The following TMEM150B variants were observed in gnomAD, a reference collection of about 807,000 sequenced individuals.
TMEM150B encodes the protein modulator of macroautophagy TMEM150B.
Under a neutral mutation model 25.2 loss-of-function variants are expected in TMEM150B, and 33 were observed. That is an observed-to-expected ratio of 1.31 (90% confidence interval 0.99 to 1.75). The LOEUF (loss-of-function observed/expected upper bound fraction) is 1.75. TMEM150B is among the 40% of genes most tolerant of loss of function. The pLI is 0.00. For missense variants in TMEM150B, 322 were observed against 306.1 expected, an observed-to-expected ratio of 1.05 and a Z score of -0.39; for synonymous variants, 133 against 134.8, an observed-to-expected ratio of 0.99 and a Z score of 0.09.
Position 55,313,167 on chromosome 19 carries a change from C to G in TMEM150B, c.506-112G>C, listed in dbSNP as rs541371771. ...CGTCTCTGGGTGTCCCCATCCTCAG[C>G]TCTCCCCTTCCCCCGTAGCTCCTCA... On this transcript the variant is annotated intron_variant, in intron 7 of 7. Coordinates refer to ENST00000326652, the MANE Select transcript of TMEM150B (RefSeq NM_001282011.2). The G allele has an allele frequency of 1.6e-4, 180 of 1,115,470 alleles. No homozygotes were observed. In the African/African-American group the frequency reaches 2.7e-3, roughly 17 times the overall value. 69.1% of individuals were successfully genotyped at this position (1,115,470 alleles called of 1,614,324 possible).
chr19:55,310,746 G>C (rs2088769181), downstream of TMEM150B, among the ~76,000 whole-genome samples: 1 of 152,110 alleles, frequency 6.6e-6, no homozygotes, highest in Admixed American at 6.5e-5. The surrounding 1 kb of genome is among the most constrained non-coding windows in gnomAD (Gnocchi z 5.0). Context: ...CTTTTCTCAT[G>C]GTTGCTAGGG....
chr19:55,310,031 G>C (rs1374259122), downstream of TMEM150B, among the ~76,000 whole-genome samples: 2 of 152,218 alleles, frequency 1.3e-5, no homozygotes, highest in South Asian at 4.1e-4. This position sits in a 1 kb window ranked among gnomAD's most constrained non-coding sequence, Gnocchi z 5.0. Context: ...CTTTGGCCTT[G>C]TCACCAGAAA....
intron 6 of TMEM150B, among the ~76,000 whole-genome samples, chr19:55,317,725 G>C (rs1019514973): frequency 6.6e-6 from 1 of 151,880 alleles, no homozygotes; most frequent in Non-Finnish European, 1.5e-5. Flanking sequence ...AGGTTGCAGT[G>C]AGCCAAGATC....
intron 1 of TMEM150B, among the ~76,000 whole-genome samples, chr19:55,323,966 C>G (rs2089272201): frequency 1.3e-5 from 2 of 151,346 alleles, no homozygotes; most frequent in African/African-American, 2.4e-5. Flanking sequence ...GCCACTATGC[C>G]TGGCTAATTT....
intron 6 of TMEM150B, chr19:55,319,787 T>C (rs1600226871): frequency 1.5e-6 from 2 of 1,320,406 alleles, no homozygotes; most frequent in East Asian, 6.5e-5. Flanking sequence ...GGAGAGGGGC[T>C]GGCAGAAAAT....
chr19:55,319,782 G>C, intron 6 of TMEM150B: 1 of 1,312,740 alleles, frequency 7.6e-7, no homozygotes, highest in Non-Finnish European at 9.7e-7. Context: ...GCTGGGGAGA[G>C]GGGCTGGCAG....
At position 55,322,025 on chromosome 19, in the gene TMEM150B, A is replaced by C. The variant is rs142575636; in HGVS notation, c.-58+623T>G. Among the ~76,000 whole-genome samples the C allele has an allele frequency of 2.6e-3, 402 of 152,278 alleles. 1 individual carries two copies. The highest frequency in any genetic ancestry group is 9.2e-3 in the African/African-American group (382 of 41,562). On this transcript the variant is annotated intron_variant, in intron 2 of 7. Transcript: ENST00000326652. ...TCCATCCGAAAATTCCCCCAGCCAG[A>C]CAAAGACTGCTCCTGCCGCCTGACC...
intron 7 of TMEM150B, among the ~76,000 whole-genome samples, chr19:55,315,693 G>A (rs906671502): frequency 1.1e-4 from 17 of 152,008 alleles, no homozygotes; most frequent in African/African-American, 3.6e-4. Context: ...CCTGGGAGGC[G>A]GAGCTTACAG....
At chr19:55,318,150 C>T (rs2089068037) in intron 6 of TMEM150B, among the ~76,000 whole-genome samples, 1 of 151,992 alleles carries the variant, frequency 6.6e-6, no homozygotes, top group African/African-American at 2.4e-5. Flanking sequence ...CACTTGAGGT[C>T]AGGAGTTTGA....
intron 7 of TMEM150B, among the ~76,000 whole-genome samples, chr19:55,313,279 C>G (rs1481637483): frequency 1.1e-4 from 17 of 152,266 alleles, no homozygotes. Context: ...GCGTGCACCC[C>G]CGTTACTATT....
Position 55,316,843 on chromosome 19 carries a change from A to G in TMEM150B, c.448T>C (p.Trp150Arg). 4 of 1,589,064 alleles carry G rather than the reference A, an allele frequency of 2.5e-6. No individual in the cohort carries two copies. Among genetic ancestry groups the G allele is most frequent in the Non-Finnish European group, 3.4e-6 (4 of 1,171,510 alleles). Residue 150 changes from tryptophan (W) to arginine (R), a missense_variant, in exon 7 of 8, where the codon TGG (tryptophan) becomes CGG (arginine). Transcript: ENST00000326652. ...LKRLPQPGAAWIGPLRLGLCS... is the reference protein window; with the variant it reads ...LKRLPQPGAARIGPLRLGLCS... ...AGGCCCAGGCGGAGGGGCCCAATCC[A>G]GGCAGCCCCGGGCTGGGGCAGCCTC...
At chr19:55,321,898 C>A (rs1245932666) in intron 2 of TMEM150B, among the ~76,000 whole-genome samples, 1 of 152,162 alleles carries the variant, frequency 6.6e-6, no homozygotes, top group Non-Finnish European at 1.5e-5. Flanking sequence ...AACCCTGCCT[C>A]CTCCCCTCCA....
At chr19:55,312,245 G>A, downstream of TMEM150B, 4 of 362,870 alleles carry the variant, frequency 1.1e-5, no homozygotes, top group Non-Finnish European at 2.0e-5. Flanking sequence ...GGTTCTAGGG[G>A]AACAGGGGGC....
At chr19:55,319,490 G>C (rs1600226206) in intron 6 of TMEM150B, 1 of 121,036 alleles carries the variant, frequency 8.3e-6, no homozygotes, top group Non-Finnish European at 1.6e-5. Flanking sequence ...TTATCCCCCA[G>C]GTTTGAGTGC....
chr19:55,319,236 T>C (rs2089110216), intron 6 of TMEM150B, among the ~76,000 whole-genome samples: 1 of 149,944 alleles, frequency 6.7e-6, no homozygotes. Context: ...CTCAGTCTCC[T>C]GAGTAGCTGG....
At chr19:55,319,740 G>C in intron 6 of TMEM150B, 1 of 1,191,500 alleles carries the variant, frequency 8.4e-7, no homozygotes, top group Non-Finnish European at 1.0e-6. Context: ...ATGAGCCACT[G>C]CGCCTGGACC....
At chr19:55,324,357 A>G (rs568859992) in intron 1 of TMEM150B, among the ~76,000 whole-genome samples, 6 of 150,348 alleles carry the variant, frequency 4.0e-5, no homozygotes, top group African/African-American at 1.5e-4. Flanking sequence ...ACAAAAAAAA[A>G]TTAGCTGGGT....
At chr19:55,321,558 C>G (rs1464751968) in intron 2 of TMEM150B, among the ~76,000 whole-genome samples, 1 of 152,072 alleles carries the variant, frequency 6.6e-6, no homozygotes, top group South Asian at 2.1e-4. Flanking sequence ...ACCTCCAAAC[C>G]GCCATGTCCT....
chr19:55,320,045 A>G lies in TMEM150B; in HGVS notation c.318T>C (p.Asn106=). 6.2e-7 allele frequency: 1 copy of G among 1,614,084 alleles called. No individual in the cohort carries two copies. The highest frequency in any genetic ancestry group is 8.5e-7 in the Non-Finnish European group (1 of 1,180,014). The change falls in exon 6 of 8, where the codon AAT becomes AAC. Residue 106 remains asparagine, a synonymous_variant. Transcript: ENST00000326652. The part of the protein sequence containing the change: ...LCALGTSVVG[N]FQEKNQRPTH... ...GGCGCCGACTGGGTCTCACCTGGAAATTGCCTACCACGGAGGTGCCCAGGG... is the reference window on the plus strand; with the variant it reads ...GGCGCCGACTGGGTCTCACCTGGAAGTTGCCTACCACGGAGGTGCCCAGGG...
Sources: gnomAD v4.1 joint callset for allele counts (sites outside exome capture counted in the v4.1 genomes callset) on GRCh38, gnomAD v4.1.1 for gene constraint, Gnocchi (gnomAD v3.1) non-coding constraint, MANE v1.5 for transcripts, NCBI Gene and HGNC (gene_info 2026-07-23, HGNC 2026-07-21) for gene names.